The following CERKL variants were observed in gnomAD, a reference collection of about 807,000 sequenced individuals.
The protein encoded by CERKL is CERK like autophagy regulator.
CERKL carries 61 observed loss-of-function variants against 63.4 expected under a neutral mutation model. That is an observed-to-expected ratio of 0.96 (90% confidence interval 0.78 to 1.19). The LOEUF (loss-of-function observed/expected upper bound fraction) is 1.19, where lower values mean the gene tolerates loss of function less well. Ranked by LOEUF, CERKL falls within the 50% of genes most tolerant of loss-of-function variation. CERKL has a pLI of 0.00. For missense variants in CERKL, 675 were observed against 655.5 expected (o/e 1.03, Z -0.33); for synonymous variants, 250 against 230.5 (o/e 1.08, Z -0.77).
chr2:181,608,735 A>G (rs1272687442), intron 1 of CERKL, among the ~76,000 whole-genome samples: 1 of 152,228 alleles, frequency 6.6e-6, no homozygotes, highest in Non-Finnish European at 1.5e-5. Flanking sequence ...GTACATAAGG[A>G]AAGTGAAATA....
intron 3 of CERKL, among the ~76,000 whole-genome samples, chr2:181,570,487 C>T (rs2105841003): frequency 6.6e-6 from 1 of 152,282 alleles, no homozygotes; most frequent in South Asian, 2.1e-4. Context: ...TATCATATGC[C>T]AGCATGGGCT....
At chr2:181,538,959 T>A in intron 12 of CERKL, 133 bp downstream of exon 12, 1 of 713,172 alleles carries the variant, frequency 1.4e-6, no homozygotes. Context: ...TGTCTCTTTA[T>A]GCTTCCCTGA....
chr2:181,657,015 CGCAG>C lies in CERKL; in HGVS notation c.-13_-10del. ...CGCCTCCTCCAGGGCATGGCGGAGT[CGCAG>C]GCTGGGCCCGAGCCAGGGGTCCGGG... On this transcript the variant is annotated 5_prime_UTR_variant, in exon 1 of 13. Transcript: ENST00000410087. 3 of 1,573,932 alleles carry C rather than the reference CGCAG, an allele frequency of 1.9e-6. No individual in the cohort carries two copies. The highest frequency in any genetic ancestry group is 2.6e-6 in the Non-Finnish European group (3 of 1,165,724).
intron 2 of CERKL, among the ~76,000 whole-genome samples, chr2:181,600,244 T>C (rs1261061443): frequency 1.3e-5 from 2 of 152,284 alleles, no homozygotes; most frequent in African/African-American, 4.8e-5. Context: ...CTTGCTACCA[T>C]ATAAGCACAC....
In CERKL at chr2:181,550,460, C is replaced by G. The variant is rs1016920555; in HGVS notation, c.821-752G>C. On this transcript the variant is annotated intron_variant, in intron 5 of 12. Coordinates refer to ENST00000410087, the MANE Select transcript of CERKL (RefSeq NM_201548.5). The surrounding 1 kb of genome is among the most constrained non-coding windows in gnomAD (Gnocchi z 4.5). ...GAAATCTGAGATACAGGGGACTATA[C>G]CAGCTAGCCCTTCCCATTCCCAGGA... 2.0e-5 allele frequency among the ~76,000 whole-genome samples: 3 copies of G among 152,118 alleles called. No homozygotes were observed. The highest frequency in any genetic ancestry group is 2.0e-4 in the Admixed American group (3 of 15,268).
At chr2:181,575,113 T>C (rs1038129825) in intron 2 of CERKL, among the ~76,000 whole-genome samples, 2 of 152,178 alleles carry the variant, frequency 1.3e-5, no homozygotes. Context: ...CTTGCTTCCA[T>C]GCCTTCTCCC....
chr2:181,650,252 TA>T (rs1322700047), intron 1 of CERKL, among the ~76,000 whole-genome samples: 1 of 152,168 alleles, frequency 6.6e-6, no homozygotes, highest in African/African-American at 2.4e-5. Flanking sequence ...AAAATGCTCC[TA>T]AACAACCAAT....
intron 1 of CERKL, among the ~76,000 whole-genome samples, chr2:181,612,477 G>C (rs866765695): frequency 5.9e-5 from 9 of 151,990 alleles, no homozygotes; most frequent in Middle Eastern, 3.4e-3. Flanking sequence ...GCCTTTTCTA[G>C]AACTTCATAT....
intron 1 of CERKL, chr2:181,650,206 A>C (rs1352286397): frequency 6.6e-6 from 1 of 152,134 alleles, no homozygotes; most frequent in East Asian, 1.9e-4. Flanking sequence ...GAAATCAACA[A>C]TGAGAAAAAC....
chr2:181,597,783 A>T (rs975657995), intron 2 of CERKL, among the ~76,000 whole-genome samples: 1 of 152,146 alleles, frequency 6.6e-6, no homozygotes, highest in African/African-American at 2.4e-5. Context: ...GTAGCACCAG[A>T]TCCCCAGCAA....
chr2:181,566,319 GA>G (rs1688665517), intron 3 of CERKL, among the ~76,000 whole-genome samples, 198 bp from the exon 4 acceptor site: 1 of 152,162 alleles, frequency 6.6e-6, no homozygotes, highest in South Asian at 2.1e-4. Context: ...TTATGTAAGA[GA>G]AGGTCATATA....
intron 4 of CERKL, chr2:181,565,565 T>G: frequency 8.6e-7 from 1 of 1,165,438 alleles, no homozygotes; most frequent in Non-Finnish European, 1.3e-6. Context: ...ATTAAAATTA[T>G]TTCTTATTGT....
At chr2:181,626,797 G>C (rs1463896699) in intron 1 of CERKL, among the ~76,000 whole-genome samples, 3 of 152,234 alleles carry the variant, frequency 2.0e-5, no homozygotes, top group African/African-American at 7.2e-5. Flanking sequence ...TACTACCAGA[G>C]AGGTCATCTT....
intron 1 of CERKL, chr2:181,649,543 C>T (rs1449146795): frequency 6.6e-6 from 1 of 152,152 alleles, no homozygotes; most frequent in African/African-American, 2.4e-5. Context: ...TGGACTTAAG[C>T]TGAACCATAG....
At chr2:181,648,393 G>C (rs905028718) in intron 1 of CERKL, among the ~76,000 whole-genome samples, 9 of 151,630 alleles carry the variant, frequency 5.9e-5, no homozygotes, top group East Asian at 3.9e-4. Context: ...ATTTATTCAA[G>C]ATGCTAAAAG....
chr2:181,539,267 AAAAAT>A lies in CERKL; in HGVS notation c.1366-8_1366-4del. 2.6e-6 allele frequency: 4 copies of A among 1,551,914 alleles called. No homozygotes were observed. The highest frequency in any genetic ancestry group is 3.6e-6 in the Non-Finnish European group (4 of 1,124,052). On this transcript the variant is annotated splice_region_variant and splice_polypyrimidine_tract_variant and intron_variant, in intron 11 of 12. Coordinates refer to ENST00000410087, the MANE Select transcript of CERKL (RefSeq NM_201548.5). Reference sequence around the variant, plus strand: ...GTCTCAACAAATGGAAAATTGAACTAAAAATAAATACAAATAATCATTATACTTGG... The same window carrying A: ...GTCTCAACAAATGGAAAATTGAACTAAAATACAAATAATCATTATACTTGG...
chr2:181,548,287 G>A (rs530828924), intron 8 of CERKL: 8 of 540,552 alleles, frequency 1.5e-5, no homozygotes, highest in African/African-American at 7.7e-5. Flanking sequence ...GAAAGAAAGG[G>A]GAAGGGAAGG....
chr2:181,634,187 A>C (rs1173992028), intron 1 of CERKL, among the ~76,000 whole-genome samples: 1 of 152,190 alleles, frequency 6.6e-6, no homozygotes, highest in Non-Finnish European at 1.5e-5. Flanking sequence ...ACGAGAAAGG[A>C]ATACAACTCA....
intron 2 of CERKL, among the ~76,000 whole-genome samples, chr2:181,602,846 CAAG>C (rs1445461614): frequency 7.9e-5 from 12 of 151,928 alleles, no homozygotes; most frequent in Non-Finnish European, 1.0e-4. Context: ...ATGCAGCAAA[CAAG>C]AAGAAATGAA....
Sources: gnomAD v4.1 joint callset for allele counts (sites outside exome capture counted in the v4.1 genomes callset) on GRCh38, gnomAD v4.1.1 for gene constraint, Gnocchi (gnomAD v3.1) non-coding constraint, MANE v1.5 for transcripts, NCBI Gene and HGNC (gene_info 2026-07-23, HGNC 2026-07-21) for gene names.